The following STPG2 variants were observed in gnomAD, a reference collection of about 807,000 sequenced individuals.
STPG2 encodes sperm tail PG-rich repeat containing 2.
In STPG2, 56 loss-of-function variants were observed where a neutral mutation model predicts 54.2. The ratio of observed to expected loss-of-function variants is 1.03; its 90% CI spans 0.83 to 1.29. The LOEUF (loss-of-function observed/expected upper bound fraction) is 1.29. Ranked by LOEUF, STPG2 falls within the 50% of genes most tolerant of loss-of-function variation. STPG2 has a pLI of 0.00. For missense variants in STPG2, 596 were observed against 544.9 expected, an observed-to-expected ratio of 1.09 and a Z score of -0.93; for synonymous variants, 200 against 181.8, an observed-to-expected ratio of 1.10 and a Z score of -0.81.
At chr4:97,935,488 GATCT>G (rs1310778926) in intron 8 of STPG2, among the ~76,000 whole-genome samples, 1 of 152,114 alleles carries the variant, frequency 6.6e-6, no homozygotes, top group African/African-American at 2.4e-5. Context: ...GTTGATTTGA[GATCT>G]TTCTAGCTTT....
intron 5 of STPG2, among the ~76,000 whole-genome samples, chr4:98,024,513 C>G (rs1158846132): frequency 6.6e-6 from 1 of 152,124 alleles, no homozygotes; most frequent in South Asian, 2.1e-4. Flanking sequence ...CTTGTGTTTT[C>G]AATGATAAAT....
At chr4:97,894,788 C>T (rs953678857) in intron 8 of STPG2, among the ~76,000 whole-genome samples, 4 of 151,870 alleles carry the variant, frequency 2.6e-5, no homozygotes, top group African/African-American at 9.7e-5. Flanking sequence ...AATTCAGAGA[C>T]TGGGGTCTCA....
chr4:97,562,621 T>C lies in STPG2; in HGVS notation c.1321-3504A>G, dbSNP rs151106922. On this transcript the variant is annotated intron_variant, in intron 10 of 10. Transcript: ENST00000295268. ...ATTATTTTGAGATACTTCCCATCAA[T>C]ACCTAATTTCTTGAGAGTTTTTAGC... Among the ~76,000 whole-genome samples, 570 of 152,332 alleles carry C rather than the reference T, an allele frequency of 3.7e-3. 4 individuals are homozygous for C. The highest frequency in any genetic ancestry group is 0.013 in the African/African-American group (559 of 41,582).
intron 10 of STPG2, among the ~76,000 whole-genome samples, chr4:97,613,755 C>T (rs1733790632): frequency 6.6e-6 from 1 of 151,884 alleles, no homozygotes; most frequent in African/African-American, 2.4e-5. Flanking sequence ...ATTTATTGCT[C>T]AAGTTTCTCC....
chr4:97,528,289 T>G (rs2148851376), intron 4 of STPG2, among the ~76,000 whole-genome samples: 1 of 152,306 alleles, frequency 6.6e-6, no homozygotes, highest in South Asian at 2.1e-4. Flanking sequence ...TTGTCAGGTT[T>G]GTCAAAGATC....
At chr4:97,455,466 G>A (rs1299231796) in intron 4 of STPG2, among the ~76,000 whole-genome samples, 1 of 152,088 alleles carries the variant, frequency 6.6e-6, no homozygotes, top group Non-Finnish European at 1.5e-5. Context: ...GCAGACACCA[G>A]CAGATGTTGG....
chr4:98,022,046 T>G (rs891294381), intron 5 of STPG2, among the ~76,000 whole-genome samples: 1 of 151,922 alleles, frequency 6.6e-6, no homozygotes, highest in African/African-American at 2.4e-5. Flanking sequence ...ATGTGTGAAT[T>G]TGATCCTGTC....
At chr4:97,788,616 G>A (rs190485309) in intron 9 of STPG2, among the ~76,000 whole-genome samples, 229 of 152,132 alleles carry the variant, frequency 1.5e-3, no homozygotes, top group African/African-American at 5.4e-3. Context: ...AGATCATATA[G>A]TAGTTCTATT....
intron 5 of STPG2, among the ~76,000 whole-genome samples, chr4:98,093,497 G>A (rs1738751720): frequency 6.6e-6 from 1 of 152,122 alleles, no homozygotes; most frequent in Non-Finnish European, 1.5e-5. Flanking sequence ...AAAGATGATG[G>A]AATAGAAGCC....
intron 4 of STPG2, among the ~76,000 whole-genome samples, chr4:97,537,662 T>A (rs556277484): frequency 6.6e-6 from 1 of 152,304 alleles, no homozygotes; most frequent in South Asian, 2.1e-4. Context: ...TCAGCAAACT[T>A]AACTGTCCCT....
intron 6 of STPG2, among the ~76,000 whole-genome samples, 168 bp from the exon 7 acceptor site, chr4:97,972,608 A>G (rs969050517): frequency 6.6e-6 from 1 of 152,200 alleles, no homozygotes; most frequent in Non-Finnish European, 1.5e-5. Flanking sequence ...TCAAATTTTT[A>G]TACAGTTAAC....
At chr4:97,721,786 A>G (rs1437367134) in intron 9 of STPG2, among the ~76,000 whole-genome samples, 1 of 152,122 alleles carries the variant, frequency 6.6e-6, no homozygotes, top group African/African-American at 2.4e-5. Flanking sequence ...AAAACAGAAC[A>G]TGGTACACAT....
At position 97,486,860 on chromosome 4, in the gene STPG2, A is replaced by AACACAC. The variant is rs772458069; in HGVS notation, c.462+225833_462+225838dup. 7.6e-3 allele frequency among the ~76,000 whole-genome samples: 956 copies of AACACAC among 125,598 alleles called. 10 individuals carry two copies. The highest frequency in any genetic ancestry group is 0.021 in the Middle Eastern group (5 of 238). 82.4% of individuals were successfully genotyped at this position (125,598 alleles called of 152,430 possible). On this transcript the variant is annotated intron_variant, in intron 4 of 4. Coordinates refer to the STPG2 transcript ENST00000522676. ...ATATATATATATATGTATGTATACA[A>AACACAC]ACACACACACACACACACACACACA...
chr4:97,730,535 G>T (rs932771894), intron 9 of STPG2, among the ~76,000 whole-genome samples: 3 of 152,026 alleles, frequency 2.0e-5, no homozygotes, highest in Non-Finnish European at 4.4e-5. Context: ...GGGATTGCTG[G>T]GTTAAATGGT....
intron 10 of STPG2, among the ~76,000 whole-genome samples, chr4:97,627,230 T>G (rs1476274708): frequency 2.6e-5 from 4 of 152,108 alleles, no homozygotes; most frequent in Non-Finnish European, 5.9e-5. Flanking sequence ...TTGGAGAATT[T>G]AAGAACATTT....
chr4:98,071,599 A>G (rs1405420652), intron 5 of STPG2, among the ~76,000 whole-genome samples: 1 of 152,236 alleles, frequency 6.6e-6, no homozygotes, highest in Non-Finnish European at 1.5e-5. Context: ...CTGCACAGCA[A>G]AGGAAACTAT....
intron 9 of STPG2, among the ~76,000 whole-genome samples, chr4:97,826,933 G>C (rs1343309603): frequency 2.0e-5 from 3 of 152,180 alleles, no homozygotes; most frequent in Non-Finnish European, 4.4e-5. Flanking sequence ...GTCATTCACA[G>C]ACAATTGTTG....
intron 9 of STPG2, among the ~76,000 whole-genome samples, chr4:97,790,513 AT>A (rs1309701285): frequency 2.0e-5 from 3 of 152,020 alleles, no homozygotes; most frequent in Non-Finnish European, 2.9e-5. Flanking sequence ...TGACATTCAA[AT>A]TTTTGCCAGG....
At chr4:97,740,434 A>T (rs1725184748) in intron 9 of STPG2, among the ~76,000 whole-genome samples, 1 of 152,194 alleles carries the variant, frequency 6.6e-6, no homozygotes, top group South Asian at 2.1e-4. Flanking sequence ...CCCTGTTTGC[A>T]GATGACATGA....
Sources: gnomAD v4.1 joint callset for allele counts (sites outside exome capture counted in the v4.1 genomes callset) on GRCh38, gnomAD v4.1.1 for gene constraint, MANE v1.5 for transcripts, NCBI Gene and HGNC (gene_info 2026-07-23, HGNC 2026-07-21) for gene names.